The following DNAAF4 variants were observed in gnomAD, a reference collection of about 807,000 sequenced individuals.
DNAAF4 encodes the protein dynein assembly factor 4, axonemal.
DNAAF4 carries 43 observed loss-of-function variants against 51.8 expected under a neutral mutation model. The ratio of observed to expected loss-of-function variants is 0.83; its 90% CI spans 0.65 to 1.07. DNAAF4 has a LOEUF of 1.07. Among genes scored for constraint, DNAAF4 ranks in the 50% least tolerant of loss-of-function variants. The pLI is 0.00. For missense variants in DNAAF4, 581 were observed against 493.0 expected, an observed-to-expected ratio of 1.18 and a Z score of -1.69; for synonymous variants, 194 against 165.6, an observed-to-expected ratio of 1.17 and a Z score of -1.32.
chr15:55,470,654 G>C lies in DNAAF4; in HGVS notation c.406-3493C>G, dbSNP rs568909793. The stretch of plus-strand genomic sequence containing the variant: ...CCTCCTGGGCTCCAACGATCCTCCA[G>C]TTCAGCCTTCTAGGTAGCTGGGACA... On this transcript the variant is annotated intron_variant, in intron 4 of 9. Coordinates refer to ENST00000321149, the MANE Select transcript of DNAAF4 (RefSeq NM_130810.4). Among the ~76,000 whole-genome samples, 21 of 150,892 alleles carry C rather than the reference G, an allele frequency of 1.4e-4. No individual in the cohort carries two copies. In the Middle Eastern group the frequency reaches 0.01, roughly 74 times the overall value.
chr15:55,489,544 G>A (rs1183509270), intron 4 of DNAAF4, among the ~76,000 whole-genome samples: 1 of 151,842 alleles, frequency 6.6e-6, no homozygotes, highest in Non-Finnish European at 1.5e-5. Flanking sequence ...GCGTGGTGGT[G>A]CACATCTGTA....
At chr15:55,463,745 T>C (rs1249622413) in intron 5 of DNAAF4, among the ~76,000 whole-genome samples, 2 of 152,046 alleles carry the variant, frequency 1.3e-5, no homozygotes, top group African/African-American at 4.8e-5. Context: ...GGAATATACC[T>C]AACTAAAGAG....
At chr15:55,483,688 A>G (rs746251735) in intron 4 of DNAAF4, among the ~76,000 whole-genome samples, 3 of 151,398 alleles carry the variant, frequency 2.0e-5, no homozygotes, top group African/African-American at 4.9e-5. Context: ...TTACAAGTGC[A>G]CACCACCACA....
intron 6 of DNAAF4, among the ~76,000 whole-genome samples, chr15:55,441,192 C>T (rs2057705738): frequency 6.6e-6 from 1 of 151,952 alleles, no homozygotes. Context: ...CTGCCTCAGC[C>T]TCCTGAACAG....
At chr15:55,488,163 A>C (rs1364825562) in intron 4 of DNAAF4, among the ~76,000 whole-genome samples, 3 of 151,522 alleles carry the variant, frequency 2.0e-5, no homozygotes, top group Admixed American at 6.6e-5. Context: ...AGAAGGCCCC[A>C]AAAACAGAGA....
chr15:55,426,788 G>GC (rs1311959129), downstream of DNAAF4, among the ~76,000 whole-genome samples: 1 of 152,122 alleles, frequency 6.6e-6, no homozygotes, highest in Admixed American at 6.6e-5. Flanking sequence ...ACCCAAACAG[G>GC]CCCCTTTTAG....
intron 6 of DNAAF4, among the ~76,000 whole-genome samples, chr15:55,444,694 C>G (rs1297694859): frequency 2.0e-5 from 3 of 149,948 alleles, no homozygotes; most frequent in Non-Finnish European, 4.4e-5. Flanking sequence ...AATGTTCTTC[C>G]ATTTGTTTGT....
intron 1 of DNAAF4, among the ~76,000 whole-genome samples, chr15:55,506,822 G>A (rs2058729660): frequency 6.6e-6 from 1 of 151,972 alleles, no homozygotes; most frequent in Non-Finnish European, 1.5e-5. Context: ...AAGAAATAAT[G>A]CTATTTTATA....
intron 4 of DNAAF4, among the ~76,000 whole-genome samples, chr15:55,479,262 G>C (rs2058376439): frequency 6.6e-6 from 1 of 151,848 alleles, no homozygotes; most frequent in Non-Finnish European, 1.5e-5. Context: ...CGGGAAGTCA[G>C]GGACCCCGAA....
intron 5 of DNAAF4, among the ~76,000 whole-genome samples, chr15:55,465,952 G>A (rs1381734166): frequency 1.3e-5 from 2 of 152,108 alleles, no homozygotes; most frequent in Non-Finnish European, 2.9e-5. Context: ...GGGGAAGGGT[G>A]CAGGGGTGAG....
chr15:55,449,082 C>A (rs1055140623), intron 6 of DNAAF4, among the ~76,000 whole-genome samples: 2 of 150,564 alleles, frequency 1.3e-5, no homozygotes, highest in Non-Finnish European at 3.0e-5. Context: ...CTCTGACCCC[C>A]GGGTTCAAGT....
In DNAAF4 at chr15:55,433,949, TA is replaced by T. The variant is rs74187846; in HGVS notation, c.1047+955del. On this transcript the variant is annotated intron_variant, in intron 8 of 9. Transcript: ENST00000321149. ...TATATTATATAAAATATATATAATA[TA>T]TATAATATATATAATATATTTTATA... Among the ~76,000 whole-genome samples the T allele has an allele frequency of 2.3e-3, 26 of 11,284 alleles. 4 individuals are homozygous for T. The highest frequency in any genetic ancestry group is 0.016 in the African/African-American group (17 of 1,092). The allele number at this position is 11,284 out of a possible 152,430, so 7.4% of individuals were successfully genotyped here. A position where few individuals can be genotyped will look rare whatever the true frequency, so the allele number is the denominator to read the frequency against.
intron 5 of DNAAF4, among the ~76,000 whole-genome samples, chr15:55,459,830 AGTAGCTGG>A (rs1207013220): frequency 1.3e-5 from 2 of 151,806 alleles, no homozygotes; most frequent in African/African-American, 4.8e-5. Flanking sequence ...TAGCTTTCCA[AGTAGCTGG>A]GACTACAGGC....
chr15:55,451,152 T>A (rs2057926282), intron 5 of DNAAF4, among the ~76,000 whole-genome samples: 2 of 151,996 alleles, frequency 1.3e-5, no homozygotes, highest in South Asian at 4.2e-4. Flanking sequence ...TTCAAAGGAC[T>A]GGGGCAAGGG....
intron 6 of DNAAF4, among the ~76,000 whole-genome samples, chr15:55,445,032 C>CTTTT (rs35988188): frequency 1.8e-5 from 2 of 109,034 alleles, no homozygotes; most frequent in Admixed American, 1.0e-4. Flanking sequence ...ATTGAATACC[C>CTTTT]TTTTTTTTTT....
At chr15:55,496,744 T>G (rs1179721432) in intron 3 of DNAAF4, among the ~76,000 whole-genome samples, 3 of 119,664 alleles carry the variant, frequency 2.5e-5, no homozygotes, top group Non-Finnish European at 5.7e-5. Flanking sequence ...CTCATAAGCC[T>G]TTTTTTTTTT....
At chr15:55,442,457 T>C (rs533768793) in intron 6 of DNAAF4, among the ~76,000 whole-genome samples, 1 of 152,278 alleles carries the variant, frequency 6.6e-6, no homozygotes, top group East Asian at 1.9e-4. Context: ...TGTTTCTGTG[T>C]TAAAAAGTTG....
chr15:55,420,399 C>G (rs1357188831), intron 7 of DNAAF4, among the ~76,000 whole-genome samples: 1 of 150,112 alleles, frequency 6.7e-6, no homozygotes, highest in Non-Finnish European at 1.5e-5. Flanking sequence ...ATAATTGGGT[C>G]TGAGTATCTT....
chr15:55,441,301 A>G (rs894215522), intron 6 of DNAAF4, among the ~76,000 whole-genome samples: 1 of 149,280 alleles, frequency 6.7e-6, no homozygotes, highest in African/African-American at 2.5e-5. Context: ...CGAACTCCCG[A>G]CCTTGTGATC....
Sources: gnomAD v4.1 joint callset for allele counts (sites outside exome capture counted in the v4.1 genomes callset) on GRCh38, gnomAD v4.1.1 for gene constraint, MANE v1.5 for transcripts, NCBI Gene and HGNC (gene_info 2026-07-23, HGNC 2026-07-21) for gene names.